ITPR1: variants seen among roughly 807,000 people sequenced by gnomAD.
ITPR1 encodes the protein inositol 1,4,5-trisphosphate-gated calcium channel ITPR1.
Under a neutral mutation model 318.4 loss-of-function variants are expected in ITPR1, and 96 were observed. That is an observed-to-expected ratio of 0.30 (90% CI 0.26 to 0.36). The LOEUF (loss-of-function observed/expected upper bound fraction) is 0.36, where lower values mean the gene tolerates loss of function less well. Ranked by LOEUF, ITPR1 falls within the 10% of genes least tolerant of loss-of-function variation. The pLI, the probability that ITPR1 is intolerant of heterozygous loss-of-function variation, is 1.00. For missense variants in ITPR1, 2,440 were observed against 3,460.2 expected, an observed-to-expected ratio of 0.71 and a Z score of 7.40; for synonymous variants, 1,312 against 1,289.9, an observed-to-expected ratio of 1.02 and a Z score of -0.37.
intron 4 of ITPR1, among the ~76,000 whole-genome samples, chr3:4,541,081 G>A (rs971958301): frequency 1.3e-5 from 2 of 151,584 alleles, no homozygotes; most frequent in South Asian, 4.2e-4. Context: ...TTAAACTCCT[G>A]TCATCCTCTC....
intron 2 of ITPR1, among the ~76,000 whole-genome samples, chr3:4,509,534 G>A (rs1280251518): frequency 6.6e-6 from 1 of 152,244 alleles, no homozygotes; most frequent in Admixed American, 6.5e-5. Flanking sequence ...GCTCATGCCT[G>A]TAATTCCAGC....
intron 33 of ITPR1, 27 bp downstream of exon 33, chr3:4,693,768 C>T (rs1456168593): frequency 3.8e-6 from 6 of 1,594,040 alleles, no homozygotes; most frequent in Non-Finnish European, 5.1e-6. Flanking sequence ...TGGCTGTGCC[C>T]TTCTCGTTGC....
At chr3:4,842,880 G>A (rs992380022) in intron 61 of ITPR1, among the ~76,000 whole-genome samples, 2 of 152,088 alleles carry the variant, frequency 1.3e-5, no homozygotes, top group African/African-American at 4.8e-5. Context: ...CAATAATGAT[G>A]CCTTATAACA....
At chr3:4,639,321 C>T in intron 5 of ITPR1, 63 bp from the exon 6 acceptor site, 3 of 1,223,366 alleles carry the variant, frequency 2.5e-6, no homozygotes, top group Non-Finnish European at 2.4e-6. Flanking sequence ...TGTTCTGCGT[C>T]ACTGCAGTGG....
intron 4 of ITPR1, among the ~76,000 whole-genome samples, chr3:4,541,545 G>A (rs2084440487): frequency 6.6e-6 from 1 of 151,834 alleles, no homozygotes; most frequent in Non-Finnish European, 1.5e-5. Context: ...TATTTATCCT[G>A]CATGATATTT....
intron 2 of ITPR1, among the ~76,000 whole-genome samples, chr3:4,510,335 T>C (rs761650776): frequency 2.2e-4 from 34 of 152,136 alleles, no homozygotes; most frequent in Non-Finnish European, 4.1e-4. Context: ...AGGGAAATGA[T>C]ATGGTCTGAT....
chr3:4,639,658 C>T (rs574892166), intron 6 of ITPR1, among the ~76,000 whole-genome samples, 188 bp downstream of exon 6: 1 of 152,204 alleles, frequency 6.6e-6, no homozygotes, highest in Non-Finnish European at 1.5e-5. Flanking sequence ...TGCTGGTCAT[C>T]TCTCAGCGTG....
intron 44 of ITPR1, among the ~76,000 whole-genome samples, chr3:4,746,334 T>C (rs940018163): frequency 1.3e-5 from 2 of 152,154 alleles, no homozygotes; most frequent in Non-Finnish European, 2.9e-5. Context: ...CATCAGTGCC[T>C]CACGTGGTCT....
chr3:4,695,492 T>C (rs900687492), intron 33 of ITPR1, among the ~76,000 whole-genome samples: 3 of 152,212 alleles, frequency 2.0e-5, no homozygotes. Flanking sequence ...AACAGCTTTG[T>C]AACTGCCACC....
intron 4 of ITPR1, among the ~76,000 whole-genome samples, chr3:4,578,950 T>C (rs1279903599): frequency 6.6e-6 from 1 of 152,190 alleles, no homozygotes; most frequent in Admixed American, 6.5e-5. Flanking sequence ...ATCTTGTCGT[T>C]CTGAGGCTTC....
intron 16 of ITPR1, among the ~76,000 whole-genome samples, chr3:4,664,614 T>TTAA (rs2093907280): frequency 6.6e-6 from 1 of 152,258 alleles, no homozygotes; most frequent in Non-Finnish European, 1.5e-5. Flanking sequence ...GACCTCTGGC[T>TTAA]TAATGCCCAT....
chr3:4,499,458 G>A (rs2080856131), intron 2 of ITPR1, among the ~76,000 whole-genome samples: 2 of 151,596 alleles, frequency 1.3e-5, no homozygotes, highest in South Asian at 2.1e-4. Context: ...CATTTTTATT[G>A]AGTCTAGGTT....
At chr3:4,788,779 T>G (rs2047363639) in intron 52 of ITPR1, among the ~76,000 whole-genome samples, 1 of 152,346 alleles carries the variant, frequency 6.6e-6, no homozygotes, top group East Asian at 1.9e-4. Context: ...AGCCTTGTGC[T>G]TGGCACTGGC....
chr3:4,578,171 A>C (rs1252123669), intron 4 of ITPR1, among the ~76,000 whole-genome samples: 2 of 152,254 alleles, frequency 1.3e-5, no homozygotes, highest in Non-Finnish European at 2.9e-5. Context: ...GTAAGTGAAT[A>C]AATTGAGCTC....
At chr3:4,520,987 A>C (rs751830285) in intron 3 of ITPR1, 37 bp from the exon 4 acceptor site, 3 of 1,518,714 alleles carry the variant, frequency 2.0e-6, no homozygotes, top group South Asian at 1.1e-5. Flanking sequence ...TTTCATTTTC[A>C]TACACTTGAC....
intron 2 of ITPR1, among the ~76,000 whole-genome samples, chr3:4,502,660 C>T (rs1400976319): frequency 1.3e-5 from 2 of 151,784 alleles, no homozygotes; most frequent in African/African-American, 2.4e-5. Flanking sequence ...AGGATTGTCT[C>T]GATCTCTTGA....
chr3:4,805,736 G>A (rs1454853126), intron 54 of ITPR1, among the ~76,000 whole-genome samples: 1 of 152,152 alleles, frequency 6.6e-6, no homozygotes, highest in Non-Finnish European at 1.5e-5. Flanking sequence ...CAGGGTTCGT[G>A]GATTGAGGTG....
chr3:4,846,483 C>T lies in ITPR1; in HGVS notation c.*258C>T, dbSNP rs1454010821. ...TTTTTGGAAGGACTAACAGAAAGCA[C>T]CTGATTTGCACTTGAACCAGATTAT... is the stretch of plus-strand genomic sequence containing the variant. On this transcript the variant is annotated 3_prime_UTR_variant, in exon 62 of 62. Coordinates refer to ENST00000649015, the MANE Select transcript of ITPR1 (RefSeq NM_001378452.1). The T allele has an allele frequency of 6.6e-6, 2 of 303,676 alleles. No homozygotes were observed. Among genetic ancestry groups the T allele is most frequent in the Non-Finnish European group, 1.2e-5 (2 of 165,998 alleles). The allele number at this position is 303,676 out of a possible 1,614,324, so 18.8% of individuals were successfully genotyped here.
intron 60 of ITPR1, among the ~76,000 whole-genome samples, chr3:4,828,705 T>G (rs2050241302): frequency 6.6e-6 from 1 of 152,164 alleles, no homozygotes; most frequent in African/African-American, 2.4e-5. Flanking sequence ...ACGGGTGTGG[T>G]TCTCTCTGCT....
Sources: allele counts gnomAD v4.1 joint callset (sites outside exome capture counted in the v4.1 genomes callset), GRCh38; gene constraint gnomAD v4.1.1; transcripts MANE v1.5; gene names NCBI Gene and HGNC (gene_info 2026-07-23, HGNC 2026-07-21).